The following CIMIP6 variants were observed in gnomAD, a reference collection of about 807,000 sequenced individuals.
The protein encoded by CIMIP6 is ciliary microtubule inner protein 6.
the CIMIP6 span, among the ~76,000 whole-genome samples, chr2:54,336,984 C>G: frequency 6.6e-6 from 1 of 152,218 alleles, no homozygotes; most frequent in East Asian, 1.9e-4. Flanking sequence ...TAGTACAGTG[C>G]TGAGCCAGGC....
chr2:54,362,896 G>T, the CIMIP6 span, among the ~76,000 whole-genome samples: 2 of 152,126 alleles, frequency 1.3e-5, no homozygotes, highest in Admixed American at 1.3e-4. Flanking sequence ...CAAGAATTCC[G>T]TGACACTTTC....
the CIMIP6 span, chr2:54,334,701 A>G: frequency 1.4e-6 from 1 of 739,176 alleles, no homozygotes; most frequent in African/African-American, 1.8e-5. Flanking sequence ...AACTATTAAT[A>G]CAGCCTAAAT....
the CIMIP6 span, among the ~76,000 whole-genome samples, chr2:54,333,646 T>C: frequency 6.6e-6 from 1 of 152,054 alleles, no homozygotes; most frequent in Admixed American, 6.5e-5. Flanking sequence ...CCCACCACTT[T>C]GGGAGGCCGA....
the CIMIP6 span, among the ~76,000 whole-genome samples, chr2:54,359,503 C>T: frequency 2.0e-3 from 308 of 152,140 alleles, 5 homozygotes; most frequent in Non-Finnish European, 4.4e-4. Flanking sequence ...AGTGACTTGA[C>T]GCCTGTAGTC....
At chr2:54,360,594 G>A in the CIMIP6 span, 39 of 1,437,994 alleles carry the variant, frequency 2.7e-5, 1 homozygote, top group African/African-American at 4.5e-4. Flanking sequence ...TCTAATCCCT[G>A]GAATATAGGG....
At chr2:54,372,872 G>T in the CIMIP6 span, among the ~76,000 whole-genome samples, 1 of 152,244 alleles carries the variant, frequency 6.6e-6, no homozygotes, top group South Asian at 2.1e-4. Context: ...GGCACTCTTG[G>T]TATGTTTCAA....
At chr2:54,340,601 C>A in the CIMIP6 span, among the ~76,000 whole-genome samples, 1 of 152,122 alleles carries the variant, frequency 6.6e-6, no homozygotes, top group Non-Finnish European at 1.5e-5. Flanking sequence ...AGTGAAGATG[C>A]ATCCAATTTA....
chr2:54,364,009 C>T, the CIMIP6 span, among the ~76,000 whole-genome samples: 1 of 152,118 alleles, frequency 6.6e-6, no homozygotes, highest in Admixed American at 6.5e-5. Flanking sequence ...AACATGAGGG[C>T]ATCTTTTCTG....
chr2:54,358,588 T>G, the CIMIP6 span, among the ~76,000 whole-genome samples: 1 of 152,016 alleles, frequency 6.6e-6, no homozygotes, highest in Non-Finnish European at 1.5e-5. Context: ...GAGATGGGGT[T>G]TCACCATGTT....
the CIMIP6 span, among the ~76,000 whole-genome samples, chr2:54,355,751 A>T: frequency 6.6e-6 from 1 of 152,020 alleles, no homozygotes; most frequent in Non-Finnish European, 1.5e-5. Flanking sequence ...TTTTATTTCT[A>T]ACATTTTTTG....
chr2:54,343,393 A>T, the CIMIP6 span, among the ~76,000 whole-genome samples: 1 of 152,276 alleles, frequency 6.6e-6, no homozygotes, highest in Non-Finnish European at 1.5e-5. Context: ...TATTTTATAC[A>T]TACACGTGTA....
At chr2:54,338,630 A>G in the CIMIP6 span, among the ~76,000 whole-genome samples, 24 of 74,926 alleles carry the variant, frequency 3.2e-4, 10 homozygotes, top group Non-Finnish European at 6.3e-4. Flanking sequence ...TGTCTTTATA[A>G]TAAGAGTAAA....
chr2:54,334,980 G>A, the CIMIP6 span: 1 of 1,605,548 alleles, frequency 6.2e-7, no homozygotes, highest in African/African-American at 1.3e-5. Flanking sequence ...AACATACAAT[G>A]AACCATTTCC....
At chr2:54,362,692 G>A in the CIMIP6 span, among the ~76,000 whole-genome samples, 1 of 152,102 alleles carries the variant, frequency 6.6e-6, no homozygotes, top group African/African-American at 2.4e-5. Context: ...GATTACAGGT[G>A]TGCACCAACA....
chr2:54,354,773 T>A, the CIMIP6 span, among the ~76,000 whole-genome samples: 1 of 151,516 alleles, frequency 6.6e-6, no homozygotes, highest in South Asian at 2.1e-4. Context: ...CTACAATTAC[T>A]TTTTTTTTCC....
the CIMIP6 span, among the ~76,000 whole-genome samples, chr2:54,369,838 A>T: frequency 6.6e-6 from 1 of 152,240 alleles, no homozygotes; most frequent in Non-Finnish European, 1.5e-5. Context: ...ACTGCAGAAC[A>T]GCCAAGTGAG....
chr2:54,359,646 T>C, the CIMIP6 span, among the ~76,000 whole-genome samples: 1 of 151,706 alleles, frequency 6.6e-6, no homozygotes, highest in South Asian at 2.1e-4. Flanking sequence ...CAAAGCAGTT[T>C]GACAAATGTT....
At chr2:54,370,277 C>G in the CIMIP6 span, among the ~76,000 whole-genome samples, 2 of 151,650 alleles carry the variant, frequency 1.3e-5, no homozygotes, top group African/African-American at 4.8e-5. Context: ...AGGAAAAAGA[C>G]AAGAGAAAGA....
the CIMIP6 span, among the ~76,000 whole-genome samples, chr2:54,379,147 C>G: frequency 6.6e-6 from 1 of 152,184 alleles, no homozygotes; most frequent in African/African-American, 2.4e-5. Context: ...TGGCTTCATA[C>G]AAGGAAATTA....
Sources: allele counts gnomAD v4.1 joint callset (sites outside exome capture counted in the v4.1 genomes callset), GRCh38; gene constraint gnomAD v4.1.1; transcripts MANE v1.5; gene names NCBI Gene and HGNC (gene_info 2026-07-23, HGNC 2026-07-21).